PIGO: variants seen among roughly 807,000 people sequenced by gnomAD.
PIGO encodes phosphatidylinositol glycan anchor biosynthesis class O.
A neutral mutation model predicts 86.9 loss-of-function variants in PIGO; 66 were observed. The observed-to-expected ratio is 0.76, with a 90% confidence interval of 0.62 to 0.93. PIGO has a LOEUF of 0.93. PIGO is among the 40% of genes least tolerant of loss of function. PIGO has a pLI of 0.00. For missense variants in PIGO, 1,202 were observed against 1,359.1 expected (o/e 0.88, Z 1.82); for synonymous variants, 570 against 556.4 (o/e 1.02, Z -0.34).
rs747502436 is a variant in PIGO at position 35,092,622 on chromosome 9, G to A, written c.1265C>T (p.Pro422Leu). Residue 422 changes from proline (P) to leucine (L), a missense_variant, in exon 7 of 11, where the codon CCG becomes CTG. Transcript: ENST00000378617. ...CTGCTGCAGCTCAGCAATCACAGTCGGCAGTGTCGCCTCAGCCCCCTTGGG... is the reference window on the plus strand; with the variant it reads ...CTGCTGCAGCTCAGCAATCACAGTCAGCAGTGTCGCCTCAGCCCCCTTGGG... ...QSPKGAEATL[P>L]TVIAELQQFL... 1.9e-5 allele frequency: 31 copies of A among 1,614,124 alleles called. No individual in the cohort carries two copies. Among genetic ancestry groups the A allele is most frequent in the African/African-American group, 5.3e-5 (4 of 74,950 alleles).
At position 35,088,850 on chromosome 9, in the gene PIGO, T is replaced by G; in HGVS notation, c.*242A>C. The G allele has an allele frequency of 2.1e-6, 1 of 466,938 alleles. No individual in the cohort carries two copies. Among genetic ancestry groups the G allele is most frequent in the Non-Finnish European group, 3.8e-6 (1 of 264,808 alleles). The allele number at this position is 466,938 out of a possible 1,614,324, so 28.9% of individuals were successfully genotyped here. On this transcript the variant is annotated 3_prime_UTR_variant, in exon 11 of 11. Transcript: ENST00000378617. ...GCAAGTCACCACGCCCGGCCTATTT[T>G]ATTCCACTTCGGAGACCGCCCCCCT...
intron 7 of PIGO, 103 bp from the exon 8 acceptor site, chr9:35,090,775 T>C (rs1829383547): frequency 2.6e-6 from 3 of 1,142,766 alleles, no homozygotes; most frequent in Non-Finnish European, 3.7e-6. Context: ...TCAATTCTCA[T>C]ACACACTCAA....
rs748782878 is a variant in PIGO, at chr9:35,092,710, G to A, written c.1177C>T (p.Leu393Phe). 1.6e-5 allele frequency: 26 copies of A among 1,613,692 alleles called. No individual in the cohort carries two copies. Among genetic ancestry groups the A allele is most frequent in the Non-Finnish European group, 2.0e-5 (24 of 1,179,966 alleles). ...GAGAAGAGGTTCTGCAGCTGATGAAGCTCCTTAGCTTGAAGGTCCTGAGTA... is the reference window on the plus strand; with the variant it reads ...GAGAAGAGGTTCTGCAGCTGATGAAACTCCTTAGCTTGAAGGTCCTGAGTA... Reference protein sequence around the residue: ...AATQDLQAKELHQLQNLFSKA... With the variant: ...AATQDLQAKEFHQLQNLFSKA... The change falls in exon 7 of 11, where the codon CTT (leucine) becomes TTT (phenylalanine). Residue 393 changes from leucine to phenylalanine, a missense_variant. By Grantham distance (22) the Leu-to-Phe change is conservative. Transcript: ENST00000378617.
intron 6 of PIGO, 95 bp downstream of exon 6, chr9:35,092,935 G>A: frequency 6.9e-7 from 1 of 1,445,630 alleles, no homozygotes; most frequent in Non-Finnish European, 9.3e-7. Flanking sequence ...TGGAAGGTGG[G>A]ACTAAGACTA....
Position 35,091,629 on chromosome 9 carries a change from G to A in PIGO, c.2258C>T (p.Ser753Leu), listed in dbSNP as rs1473159434. 2 of 1,613,512 alleles carry A rather than the reference G, an allele frequency of 1.2e-6. No homozygotes were observed. The highest frequency in any genetic ancestry group is 1.7e-6 in the Non-Finnish European group (2 of 1,180,036). Residue 753 changes from serine (S) to leucine (L), a missense_variant, in exon 7 of 11, where the codon TCA (serine) becomes TTA (leucine). Coordinates refer to ENST00000378617, the MANE Select transcript of PIGO (RefSeq NM_032634.4). ...CTTCCAGAGCAGCAGCGCGAGCCCTGAAGCAGCCAGCCCTGCTACAGCCCG... is the reference window on the plus strand; with the variant it reads ...CTTCCAGAGCAGCAGCGCGAGCCCTAAAGCAGCCAGCCCTGCTACAGCCCG... ...LPRAVAGLAASGLALLLWKPV... is the reference protein window; with the variant it reads ...LPRAVAGLAALGLALLLWKPV...
rs1459552068 is a variant in PIGO at position 35,095,531 on chromosome 9, C to G, written c.35G>C (p.Trp12Ser). ...QKASVLLFLA[W>S]VCFLFYAGIA... ...GCCAGCGTAGAAGAGGAAGCAGACC[C>G]AGGCCAGGAAGAGCAACACTGAGGC... is the stretch of plus-strand genomic sequence containing the variant. Residue 12 changes from tryptophan to serine, a missense_variant, in exon 2 of 11, where the codon TGG becomes TCG. Transcript: ENST00000378617. 1 of 1,598,802 alleles carries G rather than the reference C, an allele frequency of 6.3e-7. No homozygotes were observed. The highest frequency in any genetic ancestry group is 1.1e-5 in the South Asian group (1 of 89,256).
At position 35,092,091 on chromosome 9, in the gene PIGO, A is replaced by C; in HGVS notation, c.1796T>G (p.Leu599Arg). 1 of 1,614,250 alleles carries C rather than the reference A, an allele frequency of 6.2e-7. No individual in the cohort carries two copies. The highest frequency in any genetic ancestry group is 1.6e-4 in the Middle Eastern group (1 of 6,062). ...HWEGQLLPPK[L>R]LTMPRLGTSA... ...AGTGCCAAGGCGGGGCATTGTGAGT[A>C]GCTTAGGTGGAAGCAGCTGGCCCTC... The change falls in exon 7 of 11, where the codon CTA becomes CGA. Residue 599 changes from leucine to arginine, a missense_variant. Physicochemically the swap from Leu to Arg is moderately radical, Grantham distance 102. Coordinates refer to ENST00000378617, the MANE Select transcript of PIGO (RefSeq NM_032634.4).
chr9:35,092,613 A>G lies in PIGO; in HGVS notation c.1274T>C (p.Ile425Thr), dbSNP rs765512341. ...CCGCAGGAACTGCTGCAGCTCAGCA[A>G]TCACAGTCGGCAGTGTCGCCTCAGC... The part of the protein sequence containing the change: ...KGAEATLPTV[I>T]AELQQFLRGA... The change falls in exon 7 of 11, where the codon ATT becomes ACT. Residue 425 changes from isoleucine to threonine, a missense_variant. Physicochemically the swap from Ile to Thr is moderately conservative, Grantham distance 89. Transcript: ENST00000378617. 6 of 1,614,262 alleles carry G rather than the reference A, an allele frequency of 3.7e-6. No individual in the cohort carries two copies. The highest frequency in any genetic ancestry group is 4.5e-5 in the East Asian group (2 of 44,884).
Position 35,094,280 on chromosome 9 carries a change from TG to T in PIGO, c.590del (p.Pro197HisfsTer8), listed in dbSNP as rs763591247. The T allele has an allele frequency of 6.2e-7, 1 of 1,608,118 alleles. No homozygotes were observed. Among genetic ancestry groups the T allele is most frequent in the African/African-American group, 1.3e-5 (1 of 74,324 alleles). On this transcript the variant is annotated frameshift_variant, in exon 3 of 11. Coordinates refer to ENST00000378617, the MANE Select transcript of PIGO (RefSeq NM_032634.4). LOFTEE classifies it high-confidence loss of function. ...TGTCTAGGTCTCTGACATTGAAGGA[TG>T]GGAAGAAGAAAGCTTTGGAGAAAGC... Reference protein sequence around the residue: ...PGAFSKAFFFPSFNVRDLDTV... With the variant: ...PGAFSKAFFFXSFNVRDLDTV...
At chr9:35,089,697 C>A (rs779637346) in intron 9 of PIGO, 39 of 1,412,366 alleles carry the variant, frequency 2.8e-5, no homozygotes, top group Non-Finnish European at 3.5e-5. Context: ...GGCTGTGCCC[C>A]CAGGATGGAG....
chr9:35,091,545 GT>G lies in PIGO; in HGVS notation c.2341del (p.Thr781LeufsTer32), dbSNP rs775420333. 2 of 1,614,030 alleles carry G rather than the reference GT, an allele frequency of 1.2e-6. No individual in the cohort carries two copies. Among genetic ancestry groups the G allele is most frequent in the African/African-American group, 2.7e-5 (2 of 74,934 alleles). The stretch of plus-strand genomic sequence containing the variant: ...AGAAGTGGGGGGGCCTGAGAAGGGA[GT>G]GAGGACAGTCCTGGTCCTTGGAGCG... ...AGAPRTRTVLTPFSGPPTSQA... is the reference protein window; with the variant it reads ...AGAPRTRTVLXPFSGPPTSQA... On this transcript the variant is annotated frameshift_variant, in exon 7 of 11. Coordinates refer to ENST00000378617, the MANE Select transcript of PIGO (RefSeq NM_032634.4). LOFTEE classifies it high-confidence loss of function.
At chr9:35,089,943 G>A in intron 9 of PIGO, 123 bp downstream of exon 9, 7 of 1,461,692 alleles carry the variant, frequency 4.8e-6, no homozygotes, top group South Asian at 1.4e-5. Flanking sequence ...ACTGGGCTTG[G>A]GCAACCACTT....
In PIGO at chr9:35,093,967, C is replaced by T. The variant is rs748327812; in HGVS notation, c.713G>A (p.Gly238Asp). 3.2e-5 allele frequency: 51 copies of T among 1,614,056 alleles called. No homozygotes were observed. The highest frequency in any genetic ancestry group is 4.2e-5 in the Non-Finnish European group (49 of 1,180,030). Reference sequence around the variant, plus strand: ...AGGGTGGTGAGGGCCATGCTTGTGGCCACAGTGGTCCACACCCAGGAAGTG... The same window carrying T: ...AGGGTGGTGAGGGCCATGCTTGTGGTCACAGTGGTCCACACCCAGGAAGTG... Reference protein sequence around the residue: ...IAHFLGVDHCGHKHGPHHPEM... With the variant: ...IAHFLGVDHCDHKHGPHHPEM... The change falls in exon 4 of 11, where the codon GGC (glycine) becomes GAC (aspartate). Residue 238 changes from glycine to aspartate, a missense_variant. By Grantham distance (94) the Gly-to-Asp change is moderately conservative. Coordinates refer to ENST00000378617, the MANE Select transcript of PIGO (RefSeq NM_032634.4).
intron 8 of PIGO, 59 bp from the exon 9 acceptor site, chr9:35,090,339 A>C (rs1829359253): frequency 6.3e-7 from 1 of 1,587,098 alleles, no homozygotes; most frequent in African/African-American, 1.3e-5. Flanking sequence ...CTCAGGTTCC[A>C]ATTAGCCTAG....
At position 35,090,487 on chromosome 9, in the gene PIGO, C is replaced by A. The variant is rs1247213472; in HGVS notation, c.2833G>T (p.Ala945Ser). The A allele has an allele frequency of 6.2e-7, 1 of 1,611,676 alleles. No homozygotes were observed. Among genetic ancestry groups the A allele is most frequent in the Non-Finnish European group, 8.5e-7 (1 of 1,178,020 alleles). ...PALLVGANTF[A>S]SHLLFAVGCP... ...GTACCTGCAAAGAGGAGGTGGGAGG[C>A]AAAGGTGTTGGCTCCCACTAGCAAA... Residue 945 changes from alanine to serine, a missense_variant, in exon 8 of 11, where the codon GCC (alanine) becomes TCC (serine). Ala to Ser is a moderately conservative substitution (Grantham distance 99). Coordinates refer to ENST00000378617, the MANE Select transcript of PIGO (RefSeq NM_032634.4).
rs1439141418 is a variant in PIGO at position 35,088,981 on chromosome 9, TAGTA to T, written c.*107_*110del. On this transcript the variant is annotated 3_prime_UTR_variant, in exon 11 of 11. Transcript: ENST00000378617. Reference sequence around the variant, plus strand: ...ATGTCAGCGGCCCCTGGCTGCATGATAGTAAGAGTATGGCTGAGCCTGTCTTGCA... The same window carrying T: ...ATGTCAGCGGCCCCTGGCTGCATGATAGAGTATGGCTGAGCCTGTCTTGCA... 1 of 1,447,088 alleles carries T rather than the reference TAGTA, an allele frequency of 6.9e-7. No homozygotes were observed. Among genetic ancestry groups the T allele is most frequent in the African/African-American group, 1.4e-5 (1 of 70,812 alleles). 89.6% of individuals were successfully genotyped at this position (1,447,088 alleles called of 1,614,324 possible).
chr9:35,096,136 G>T lies in PIGO; in HGVS notation c.-2+19C>A. 6.6e-6 allele frequency: 1 copy of T among 152,348 alleles called. No individual in the cohort carries two copies. 9.4% of individuals were successfully genotyped at this position (152,348 alleles called of 1,614,324 possible). ...GTCAGGAGGGAAACTTATTCCAATT[G>T]GTAGTCAGGCTCTCTTACACGCCGT... On this transcript the variant is annotated intron_variant, in intron 1 of 10. Transcript: ENST00000378617.
chr9:35,090,699 A>C, intron 7 of PIGO, 27 bp from the exon 8 acceptor site: 1 of 1,606,114 alleles, frequency 6.2e-7, no homozygotes, highest in South Asian at 1.1e-5. Flanking sequence ...GCCACGTTAC[A>C]GTCACTTCTT....
chr9:35,094,990 C>T lies in PIGO; in HGVS notation c.511+65G>A. On this transcript the variant is annotated intron_variant, in intron 2 of 10. Transcript: ENST00000378617. ...ATCTGGGCACCCAAAGGTCTGACTC[C>T]CTGACTTCAAATTTTGAAGAAATTT... is the stretch of plus-strand genomic sequence containing the variant. The T allele has an allele frequency of 7.2e-6, 11 of 1,531,346 alleles. No individual in the cohort carries two copies. The South Asian group carries it at 1.3e-4, about 18-fold the overall frequency. The allele number at this position is 1,531,346 out of a possible 1,614,324, so 94.9% of individuals were successfully genotyped here.
Sources: allele counts gnomAD v4.1 joint callset, GRCh38; gene constraint gnomAD v4.1.1; transcripts MANE v1.5; gene names NCBI Gene and HGNC (gene_info 2026-07-23, HGNC 2026-07-21).